The following MARK3 variants were observed in gnomAD, a reference collection of about 807,000 sequenced individuals.
MARK3 encodes MAP/microtubule affinity-regulating kinase 3.
In MARK3, 46 loss-of-function variants were observed where a neutral mutation model predicts 90.1. That is an observed-to-expected ratio of 0.51 (90% CI 0.40 to 0.65). The LOEUF (loss-of-function observed/expected upper bound fraction) is 0.65, where lower values mean the gene tolerates loss of function less well. Ranked by LOEUF, MARK3 falls within the 30% of genes least tolerant of loss-of-function variation. The pLI is 0.00. For missense variants in MARK3, 818 were observed against 947.2 expected (o/e 0.86, Z 1.79); for synonymous variants, 321 against 332.6 (o/e 0.97, Z 0.38).
intron 3 of MARK3, among the ~76,000 whole-genome samples, chr14:103,447,382 T>C (rs971590864): frequency 6.6e-6 from 1 of 152,202 alleles, no homozygotes; most frequent in African/African-American, 2.4e-5. Flanking sequence ...TTAGACACAG[T>C]GGACAAGGAC....
chr14:103,466,658 TATATGTA>T (rs1175474627), intron 10 of MARK3, among the ~76,000 whole-genome samples: 1 of 152,236 alleles, frequency 6.6e-6, no homozygotes, highest in Non-Finnish European at 1.5e-5. Flanking sequence ...TGTTACAAAA[TATATGTA>T]ATATGTCATC....
chr14:103,450,634 C>G (rs1271627078), intron 4 of MARK3, among the ~76,000 whole-genome samples: 1 of 152,108 alleles, frequency 6.6e-6, no homozygotes, highest in Non-Finnish European at 1.5e-5. Context: ...CTGAACGTAT[C>G]AGAGTCTAGG....
At position 103,452,291 on chromosome 14, in the gene MARK3, G is replaced by A. The variant is rs150906782; in HGVS notation, c.412+308G>A. Reference sequence around the variant, plus strand: ...AGTTCAGTGACATTAGCATGTTCACGTTGCCCTCACCACCACCCATGTCCA... The same window carrying A: ...AGTTCAGTGACATTAGCATGTTCACATTGCCCTCACCACCACCCATGTCCA... On this transcript the variant is annotated intron_variant, in intron 5 of 17. Coordinates refer to ENST00000429436, the MANE Select transcript of MARK3 (RefSeq NM_001128918.3). Among the ~76,000 whole-genome samples the A allele has an allele frequency of 1.0e-3, 156 of 151,900 alleles. 5 individuals are homozygous for A. In the East Asian group the frequency reaches 0.026, roughly 25 times the overall value.
intron 3 of MARK3, among the ~76,000 whole-genome samples, chr14:103,434,217 A>T (rs1027503415): frequency 5.9e-5 from 9 of 152,208 alleles, no homozygotes; most frequent in African/African-American, 2.2e-4. Context: ...TATGAACCAA[A>T]TCAACTAAAA....
At chr14:103,406,841 G>GT (rs1371911142) in intron 2 of MARK3, among the ~76,000 whole-genome samples, 5 of 149,642 alleles carry the variant, frequency 3.3e-5, no homozygotes, top group East Asian at 2.0e-4. Flanking sequence ...TTTTGTTTTT[G>GT]TTTTTTTTAT....
chr14:103,442,903 A>G (rs1207534547), intron 3 of MARK3, among the ~76,000 whole-genome samples: 1 of 151,888 alleles, frequency 6.6e-6, no homozygotes, highest in Non-Finnish European at 1.5e-5. Context: ...AATGAATTTG[A>G]AAACAGTAGA....
At chr14:103,406,426 G>T (rs1180244529) in intron 2 of MARK3, among the ~76,000 whole-genome samples, 26 of 147,122 alleles carry the variant, frequency 1.8e-4, no homozygotes, top group Non-Finnish European at 3.3e-4. Flanking sequence ...TAGTAGAGGT[G>T]GGGTTTCACC....
chr14:103,467,857 A>C, intron 11 of MARK3, 176 bp from the exon 12 acceptor site: 1 of 522,398 alleles, frequency 1.9e-6, no homozygotes. Flanking sequence ...GTGTCTTTCC[A>C]GCCGTCAGAA....
At chr14:103,457,252 T>A in intron 6 of MARK3, 40 bp downstream of exon 6, 1 of 1,411,046 alleles carries the variant, frequency 7.1e-7, no homozygotes, top group Non-Finnish European at 1.0e-6. Flanking sequence ...ATTTGATAAT[T>A]TATCTCACTT....
intron 2 of MARK3, among the ~76,000 whole-genome samples, chr14:103,419,518 C>A (rs2092115885): frequency 6.6e-6 from 1 of 152,048 alleles, no homozygotes; most frequent in Non-Finnish European, 1.5e-5. Flanking sequence ...TGTTTAAATT[C>A]TTTGCAAACC....
At chr14:103,421,116 A>G (rs567220169) in intron 2 of MARK3, among the ~76,000 whole-genome samples, 239 of 152,284 alleles carry the variant, frequency 1.6e-3, no homozygotes, top group Non-Finnish European at 2.3e-3. Context: ...ATGGTGCTTT[A>G]CAAAGAAGAT....
rs2075422592 is a variant in MARK3 at position 103,497,674 on chromosome 14, T to TTTTTC, written c.1845-825_1845-821dup. Among the ~76,000 whole-genome samples, 7 of 152,328 alleles carry TTTTTC rather than the reference T, an allele frequency of 4.6e-5. No homozygotes were observed. The South Asian group carries it at 1.4e-3, about 32-fold the overall frequency. On this transcript the variant is annotated intron_variant, in intron 15 of 17. Coordinates refer to ENST00000429436, the MANE Select transcript of MARK3 (RefSeq NM_001128918.3). The stretch of plus-strand genomic sequence containing the variant: ...TTGTTTAAATCCCCAATCACCTATT[T>TTTTTC]TTTTCTTAAAAAGTGATTTATGTCA...
At chr14:103,389,682 G>A (rs1223345064) in intron 1 of MARK3, among the ~76,000 whole-genome samples, 5 of 151,426 alleles carry the variant, frequency 3.3e-5, no homozygotes, top group East Asian at 3.9e-4. Flanking sequence ...AGTGGCTCAC[G>A]CCTGTAATCC....
At chr14:103,416,476 T>C (rs887340959) in intron 2 of MARK3, among the ~76,000 whole-genome samples, 2 of 152,010 alleles carry the variant, frequency 1.3e-5, no homozygotes, top group Admixed American at 6.6e-5. Flanking sequence ...TCCATAGAAA[T>C]AGGAGGAAAG....
chr14:103,492,996 CTTAT>C (rs2142032151), intron 15 of MARK3, among the ~76,000 whole-genome samples: 1 of 152,246 alleles, frequency 6.6e-6, no homozygotes, highest in Non-Finnish European at 1.5e-5. Context: ...GACGGACCCT[CTTAT>C]TTGTCATCTG....
chr14:103,474,504 C>T (rs1159560588), intron 12 of MARK3, among the ~76,000 whole-genome samples: 1 of 152,176 alleles, frequency 6.6e-6, no homozygotes, highest in East Asian at 1.9e-4. Flanking sequence ...CCTGTCTACT[C>T]AAACTCCGGT....
chr14:103,413,839 A>T (rs1186236452), intron 2 of MARK3, among the ~76,000 whole-genome samples: 3 of 152,150 alleles, frequency 2.0e-5, no homozygotes, highest in Non-Finnish European at 4.4e-5. Flanking sequence ...CTCACTCAGC[A>T]TCATGTCTTT....
chr14:103,429,688 T>C (rs948189324), intron 3 of MARK3, among the ~76,000 whole-genome samples: 16 of 152,180 alleles, frequency 1.1e-4, no homozygotes, highest in Non-Finnish European at 2.2e-4. Context: ...TCCTGAAGAG[T>C]AAATTTTATC....
At chr14:103,404,818 AT>A (rs1356913516) in intron 1 of MARK3, among the ~76,000 whole-genome samples, 2 of 152,158 alleles carry the variant, frequency 1.3e-5, no homozygotes, top group African/African-American at 4.8e-5. Flanking sequence ...TTTTACTCCT[AT>A]TTTATATGAC....
Sources: gnomAD v4.1 joint callset for allele counts (sites outside exome capture counted in the v4.1 genomes callset) on GRCh38, gnomAD v4.1.1 for gene constraint, MANE v1.5 for transcripts, NCBI Gene and HGNC (gene_info 2026-07-23, HGNC 2026-07-21) for gene names.